Variants in GALNT9 observed in about 807,000 individuals in gnomAD.
The protein encoded by GALNT9 is GalNAc transferase 9.
A neutral mutation model predicts 63.1 loss-of-function variants in GALNT9; 47 were observed. The ratio of observed to expected loss-of-function variants is 0.75; its 90% confidence interval spans 0.59 to 0.95. The LOEUF is 0.95. Ranked by LOEUF, GALNT9 falls within the 40% of genes least tolerant of loss-of-function variation. The pLI is 0.00. For synonymous variants in GALNT9, 396 were observed against 365.7 expected (o/e 1.08, Z -0.94); for missense variants, 829 against 874.8 (o/e 0.95, Z 0.66).
intron 6 of GALNT9, among the ~76,000 whole-genome samples, chr12:132,230,586 G>A (rs1281530586): frequency 1.3e-5 from 2 of 148,920 alleles, no homozygotes; most frequent in Non-Finnish European, 3.0e-5. Flanking sequence ...CCAAGGCCGC[G>A]CCACCTGGCC....
At chr12:132,313,244 C>CCCAT (rs202020309) in intron 1 of GALNT9, among the ~76,000 whole-genome samples, 2 of 142,602 alleles carry the variant, frequency 1.4e-5, no homozygotes, top group East Asian at 2.3e-4. Context: ...CACCAACTCA[C>CCCAT]CCATCCATCC....
At chr12:132,292,350 C>A (rs568870848) in intron 1 of GALNT9, among the ~76,000 whole-genome samples, 2 of 152,174 alleles carry the variant, frequency 1.3e-5, no homozygotes, top group East Asian at 3.9e-4. Flanking sequence ...GGCACTGCCT[C>A]CCCCCATCCC....
intron 7 of GALNT9, among the ~76,000 whole-genome samples, chr12:132,201,765 G>GA (rs1453147221): frequency 2.0e-5 from 3 of 152,228 alleles, no homozygotes; most frequent in African/African-American, 7.2e-5. Flanking sequence ...CCCGCGGGGG[G>GA]ACACCTGAGA....
chr12:132,293,732 G>A (rs189748975), intron 1 of GALNT9, among the ~76,000 whole-genome samples: 1 of 152,222 alleles, frequency 6.6e-6, no homozygotes, highest in Non-Finnish European at 1.5e-5. Flanking sequence ...CCTGTATACA[G>A]CCAGGGCCAG....
Position 132,296,156 on chromosome 12 carries a change from C to T in GALNT9, c.239-9726G>A, listed in dbSNP as rs781900651. On this transcript the variant is annotated intron_variant, in intron 1 of 10. Coordinates refer to ENST00000328957, the MANE Select transcript of GALNT9 (RefSeq NM_001122636.2). The surrounding 1 kb of genome is among the most constrained non-coding windows in gnomAD (Gnocchi z 4.2). The stretch of plus-strand genomic sequence containing the variant: ...AGAGCCTCTGAACAGGGACGGCCTC[C>T]GAACAGGGAGAGCCTCCGGAATAGG... Among the ~76,000 whole-genome samples, 3 of 151,236 alleles carry T rather than the reference C, an allele frequency of 2.0e-5. No homozygotes were observed. Among genetic ancestry groups the T allele is most frequent in the Admixed American group, 6.6e-5 (1 of 15,222 alleles).
rs1876055773 is a variant in GALNT9, at chr12:132,201,115, A to C, written c.1401+9T>G. 1 of 1,611,282 alleles carries C rather than the reference A, an allele frequency of 6.2e-7. No homozygotes were observed. Among genetic ancestry groups the C allele is most frequent in the Admixed American group, 1.7e-5 (1 of 59,762 alleles). ...TCGGGCCGAACGGGGCCCTCGGGGG[A>C]GGTGCTACCTCTCCGTACGTGAGGG... On this transcript the variant is annotated intron_variant, in intron 8 of 10. Transcript: ENST00000328957.
chr12:132,256,592 G>C (rs1429222167), intron 5 of GALNT9, among the ~76,000 whole-genome samples: 7 of 125,062 alleles, frequency 5.6e-5, no homozygotes, highest in Admixed American at 4.7e-4. Flanking sequence ...GGGGACAGTG[G>C]AGGGGGACAG....
chr12:132,248,132 C>A, intron 5 of GALNT9, 105 bp from the exon 6 acceptor site: 1 of 1,440,188 alleles, frequency 6.9e-7, no homozygotes, highest in Non-Finnish European at 9.2e-7. Context: ...ACCCCTCCCT[C>A]CTGTGCCTCC....
At chr12:132,200,958 C>G (rs983068400) in intron 8 of GALNT9, 166 bp downstream of exon 8, 11 of 634,672 alleles carry the variant, frequency 1.7e-5, no homozygotes, top group South Asian at 1.2e-4. Context: ...CACGTGTGTG[C>G]AGGAGTCAGG....
intron 5 of GALNT9, among the ~76,000 whole-genome samples, chr12:132,253,001 G>A (rs1878983820): frequency 6.6e-6 from 1 of 152,180 alleles, no homozygotes. Flanking sequence ...TGATTGACAA[G>A]GTGAAGCAAG....
chr12:132,286,608 C>G lies in GALNT9; in HGVS notation c.239-178G>C, dbSNP rs188576382. The G allele has an allele frequency of 1.2e-4, 139 of 1,127,798 alleles. No homozygotes were observed. Among genetic ancestry groups the G allele is most frequent in the Non-Finnish European group, 1.6e-4 (131 of 825,282 alleles). 69.9% of individuals were successfully genotyped at this position (1,127,798 alleles called of 1,614,324 possible). A position where few individuals can be genotyped will look rare whatever the true frequency, so the allele number is the denominator to read the frequency against. On this transcript the variant is annotated intron_variant, in intron 1 of 10. Coordinates refer to ENST00000328957, the MANE Select transcript of GALNT9 (RefSeq NM_001122636.2). The surrounding 1 kb of genome is among the most constrained non-coding windows in gnomAD (Gnocchi z 7.4). ...ATTCCAGAAAGTGCAAGGCTGTGCG[C>G]GGAGTGAGAGGGCGGTGCCAGGCGG... is the stretch of plus-strand genomic sequence containing the variant.
intron 1 of GALNT9, among the ~76,000 whole-genome samples, chr12:132,305,248 A>C (rs1386252566): frequency 2.4e-3 from 30 of 12,552 alleles, no homozygotes; most frequent in South Asian, 5.0e-3. Flanking sequence ...CGGGCACAGA[A>C]TCGCCCAGAC....
chr12:132,257,634 C>T, intron 5 of GALNT9, 55 bp downstream of exon 5: 1 of 1,408,788 alleles, frequency 7.1e-7, no homozygotes, highest in Non-Finnish European at 9.7e-7. Context: ...CCGCCTCGCT[C>T]TGCTCCGCTC....
chr12:132,326,495 G>A (rs1165990299), intron 1 of GALNT9, among the ~76,000 whole-genome samples: 1 of 152,192 alleles, frequency 6.6e-6, no homozygotes, highest in Admixed American at 6.5e-5. Context: ...AAAGGCCACT[G>A]GACCAGCGGA....
chr12:132,204,871 C>T (rs973828132), intron 6 of GALNT9, among the ~76,000 whole-genome samples: 1 of 152,132 alleles, frequency 6.6e-6, no homozygotes, highest in African/African-American at 2.4e-5. Flanking sequence ...GGTCCTCAGC[C>T]CTGAGCCTGC....
chr12:132,197,665 C>T, intron 10 of GALNT9, 127 bp downstream of exon 10: 1 of 729,698 alleles, frequency 1.4e-6, no homozygotes, highest in South Asian at 1.7e-5. Flanking sequence ...AAGGCCCGGT[C>T]CCCTGACCAC....
At chr12:132,323,527 C>T (rs1360011752) in intron 1 of GALNT9, among the ~76,000 whole-genome samples, 2 of 152,204 alleles carry the variant, frequency 1.3e-5, no homozygotes, top group Admixed American at 1.3e-4. Flanking sequence ...GTCAAAATCC[C>T]CAGCGAATCT....
intron 6 of GALNT9, among the ~76,000 whole-genome samples, chr12:132,215,838 T>C (rs1160657209): frequency 4.6e-5 from 7 of 150,784 alleles, no homozygotes; most frequent in Non-Finnish European, 8.9e-5. Context: ...GTGCTGGCCC[T>C]CCCTGACTCA....
intron 2 of GALNT9, among the ~76,000 whole-genome samples, chr12:132,281,599 G>A (rs1403707541): frequency 2.0e-5 from 3 of 152,196 alleles, no homozygotes; most frequent in African/African-American, 4.8e-5. Flanking sequence ...AGCAAATGCC[G>A]GCTCTGTCAA....
Sources: gnomAD v4.1 joint callset for allele counts (sites outside exome capture counted in the v4.1 genomes callset) on GRCh38, gnomAD v4.1.1 for gene constraint, Gnocchi (gnomAD v3.1) non-coding constraint, MANE v1.5 for transcripts, NCBI Gene and HGNC (gene_info 2026-07-23, HGNC 2026-07-21) for gene names.